Variants in RASAL2 observed in about 807,000 individuals in gnomAD.
The protein encoded by RASAL2 is RAS protein activator like 2.
A neutral mutation model predicts 128.9 loss-of-function variants in RASAL2; 58 were observed. That is an observed-to-expected ratio of 0.45 (90% CI 0.36 to 0.56). RASAL2 has a LOEUF of 0.56. Among genes scored for constraint, RASAL2 ranks in the 20% least tolerant of loss-of-function variants. The probability of loss-of-function intolerance (pLI) is 0.00; values close to 1 mark genes in which losing one functional copy is unlikely to be tolerated. For missense variants in RASAL2, 1,360 were observed against 1,601.6 expected, an observed-to-expected ratio of 0.85 and a Z score of 2.57; for synonymous variants, 561 against 580.8, an observed-to-expected ratio of 0.97 and a Z score of 0.49.
Position 178,283,573 on chromosome 1 carries a change from G to A in RASAL2, c.212G>A (p.Gly71Glu), listed in dbSNP as rs563642381. 3.4e-5 allele frequency: 55 copies of A among 1,612,370 alleles called. No homozygotes were observed. The South Asian group carries it at 5.3e-4, about 15-fold the overall frequency. ...QSWVRVYDVK[G>E]PPTHRLSCGQ... ...CCCTTTTCTCATGCAGATGTGAAAG[G>A]ACCACCCACCCACCGTCTGTCTTGT... The change falls in exon 2 of 18, where the codon GGA becomes GAA. Residue 71 changes from glycine (G) to glutamate (E), a missense_variant. Transcript: ENST00000367649.
chr1:178,194,846 A>T (rs1004934679), intron 1 of RASAL2: 1 of 152,254 alleles, frequency 6.6e-6, no homozygotes, highest in African/African-American at 2.4e-5. Context: ...TTTTAAATGT[A>T]GATAGTTTTG....
intron 1 of RASAL2, among the ~76,000 whole-genome samples, chr1:178,121,698 C>T (rs980819481): frequency 1.3e-5 from 2 of 152,066 alleles, no homozygotes; most frequent in Non-Finnish European, 2.9e-5. Context: ...GTTAGCCAGG[C>T]TGGTCTTGAA....
At chr1:178,184,154 T>A (rs1044854598) in intron 1 of RASAL2, among the ~76,000 whole-genome samples, 2 of 152,166 alleles carry the variant, frequency 1.3e-5, no homozygotes, top group Non-Finnish European at 2.9e-5. Context: ...AGTTATCTGT[T>A]TTTATATTGG....
chr1:178,327,202 A>G (rs182985641), intron 3 of RASAL2, among the ~76,000 whole-genome samples: 12 of 152,170 alleles, frequency 7.9e-5, no homozygotes, highest in Admixed American at 6.6e-5. Context: ...TTTTAAAACT[A>G]TAGTATTTCC....
At chr1:178,350,765 T>A (rs942880022) in intron 3 of RASAL2, among the ~76,000 whole-genome samples, 1 of 152,212 alleles carries the variant, frequency 6.6e-6, no homozygotes, top group Non-Finnish European at 1.5e-5. Flanking sequence ...GCCACTGTTA[T>A]GTCCCATTTC....
intron 3 of RASAL2, among the ~76,000 whole-genome samples, chr1:178,343,256 G>A (rs889467299): frequency 4.6e-5 from 7 of 152,160 alleles, no homozygotes; most frequent in Non-Finnish European, 8.8e-5. Flanking sequence ...ATAAGGAATA[G>A]TTTCATTACT....
intron 3 of RASAL2, among the ~76,000 whole-genome samples, chr1:178,378,469 A>G (rs1211279230): frequency 6.6e-6 from 1 of 152,118 alleles, no homozygotes; most frequent in Admixed American, 6.5e-5. Flanking sequence ...ATGGACATAT[A>G]TAGAATCCTG....
chr1:178,169,441 GTT>G (rs1253709454), intron 1 of RASAL2, among the ~76,000 whole-genome samples: 2 of 152,104 alleles, frequency 1.3e-5, no homozygotes, highest in Non-Finnish European at 2.9e-5. Flanking sequence ...ACTCAGATGA[GTT>G]TATTTTTAAA....
At chr1:178,346,723 ATTCTC>A (rs1260089714) in intron 3 of RASAL2, among the ~76,000 whole-genome samples, 2 of 152,172 alleles carry the variant, frequency 1.3e-5, no homozygotes, top group Non-Finnish European at 2.9e-5. Context: ...ACACCTTACC[ATTCTC>A]TTCTCATCTC....
intron 1 of RASAL2, among the ~76,000 whole-genome samples, chr1:178,222,054 A>G (rs1663633536): frequency 6.6e-6 from 1 of 152,204 alleles, no homozygotes; most frequent in South Asian, 2.1e-4. Context: ...TGAAGTTAAT[A>G]TAGTGATTCC....
chr1:178,352,686 G>C (rs1380537231), intron 3 of RASAL2, among the ~76,000 whole-genome samples: 1 of 152,220 alleles, frequency 6.6e-6, no homozygotes. Context: ...CATTGCCCTA[G>C]TAGAGGTTCT....
At chr1:178,424,609 A>G (rs1675400348) in intron 5 of RASAL2, among the ~76,000 whole-genome samples, 1 of 152,020 alleles carries the variant, frequency 6.6e-6, no homozygotes, top group Non-Finnish European at 1.5e-5. Context: ...CTACAGCCAC[A>G]CACTACCATC....
At chr1:178,170,473 T>G (rs1350060957) in intron 1 of RASAL2, among the ~76,000 whole-genome samples, 1 of 151,786 alleles carries the variant, frequency 6.6e-6, no homozygotes, top group Non-Finnish European at 1.5e-5. Context: ...AATATGTAAT[T>G]GGAAACAGAA....
intron 1 of RASAL2, among the ~76,000 whole-genome samples, chr1:178,221,859 A>T (rs932185110): frequency 6.6e-5 from 10 of 152,200 alleles, no homozygotes; most frequent in Non-Finnish European, 1.2e-4. Flanking sequence ...GAGGGCTGTT[A>T]AAATTTCCAA....
intron 1 of RASAL2, chr1:178,194,601 T>G (rs1662599405): frequency 6.4e-6 from 1 of 156,210 alleles, no homozygotes; most frequent in Non-Finnish European, 1.4e-5. Context: ...TTGTTTTGTT[T>G]TTACCATCGT....
intron 1 of RASAL2, among the ~76,000 whole-genome samples, chr1:178,160,627 C>T (rs1661249970): frequency 6.6e-6 from 1 of 152,098 alleles, no homozygotes; most frequent in African/African-American, 2.4e-5. Context: ...AAGGGTGAAA[C>T]TCTGTCTCAA....
chr1:178,424,529 A>G (rs1312952019), intron 5 of RASAL2, among the ~76,000 whole-genome samples: 1 of 151,790 alleles, frequency 6.6e-6, no homozygotes, highest in Admixed American at 6.6e-5. Context: ...TGGCACGATC[A>G]CGGTTCACTG....
intron 1 of RASAL2, among the ~76,000 whole-genome samples, chr1:178,172,388 C>A (rs187446363): frequency 6.6e-6 from 1 of 152,060 alleles, no homozygotes; most frequent in African/African-American, 2.4e-5. Flanking sequence ...AAATATTCTA[C>A]AAATTAATCC....
At chr1:178,196,926 T>C (rs1445429056) in intron 1 of RASAL2, among the ~76,000 whole-genome samples, 2 of 152,338 alleles carry the variant, frequency 1.3e-5, no homozygotes, top group East Asian at 3.9e-4. Flanking sequence ...TTGACATTAG[T>C]GATGAAGGAC....
Sources: gnomAD v4.1 joint callset for allele counts (sites outside exome capture counted in the v4.1 genomes callset) on GRCh38, gnomAD v4.1.1 for gene constraint, MANE v1.5 for transcripts, NCBI Gene and HGNC (gene_info 2026-07-23, HGNC 2026-07-21) for gene names.